SUGCT: variants seen among roughly 807,000 people sequenced by gnomAD.
The protein encoded by SUGCT is succinyl-CoA:glutarate-CoA transferase.
In SUGCT, 41 loss-of-function variants were observed where a neutral mutation model predicts 55.0. That is an observed-to-expected ratio of 0.74 (90% CI 0.58 to 0.97). SUGCT has a LOEUF of 0.97. SUGCT is among the 50% of genes least tolerant of loss of function. The pLI, the probability that SUGCT is intolerant of heterozygous loss-of-function variation, is 0.00. For missense variants in SUGCT, 568 were observed against 547.8 expected, an observed-to-expected ratio of 1.04 and a Z score of -0.37; for synonymous variants, 187 against 200.4, an observed-to-expected ratio of 0.93 and a Z score of 0.56.
intron 12 of SUGCT, among the ~76,000 whole-genome samples, chr7:40,726,071 G>A (rs961257052): frequency 6.6e-6 from 1 of 152,030 alleles, no homozygotes; most frequent in Non-Finnish European, 1.5e-5. Context: ...ATCTCAACAC[G>A]TAATAAATAC....
At chr7:40,632,440 T>C (rs1799829589) in intron 12 of SUGCT, among the ~76,000 whole-genome samples, 1 of 151,214 alleles carries the variant, frequency 6.6e-6, no homozygotes, top group South Asian at 2.1e-4. Context: ...TGTTCCTCTG[T>C]ACTTTATTTA....
intron 9 of SUGCT, among the ~76,000 whole-genome samples, chr7:40,441,290 T>TA (rs1788500271): frequency 1.3e-5 from 2 of 152,210 alleles, no homozygotes; most frequent in South Asian, 4.1e-4. Flanking sequence ...TAATTATTAA[T>TA]AAATGTCTTG....
In SUGCT at chr7:40,410,109, A is replaced by G. The variant is rs190409109; in HGVS notation, c.817-39178A>G. ...AATTGCTTATATTAGATATGCAATT[A>G]CCATGCTTATATTGTATTACTATGC... On this transcript the variant is annotated intron_variant, in intron 9 of 13. Coordinates refer to ENST00000335693, the MANE Select transcript of SUGCT (RefSeq NM_001193313.2). Among the ~76,000 whole-genome samples, 14 of 152,238 alleles carry G rather than the reference A, an allele frequency of 9.2e-5. No individual in the cohort carries two copies. In the East Asian group the frequency reaches 2.7e-3, roughly 29 times the overall value.
chr7:40,440,233 C>G (rs962449280), intron 9 of SUGCT, among the ~76,000 whole-genome samples: 1 of 136,724 alleles, frequency 7.3e-6, no homozygotes, highest in African/African-American at 2.7e-5. Context: ...GATCTCAGTT[C>G]ACTGCAACCT....
the SUGCT span, among the ~76,000 whole-genome samples, chr7:41,001,780 T>C: frequency 6.6e-6 from 1 of 152,130 alleles, no homozygotes; most frequent in African/African-American, 2.4e-5. Context: ...TACCATCACA[T>C]TGGTGGTGAG....
At chr7:40,572,359 T>C (rs1226590265) in intron 12 of SUGCT, among the ~76,000 whole-genome samples, 2 of 152,170 alleles carry the variant, frequency 1.3e-5, no homozygotes, top group South Asian at 4.1e-4. Flanking sequence ...TGAAAAGAGA[T>C]AAATTCATTC....
At chr7:40,956,689 A>G in the SUGCT span, among the ~76,000 whole-genome samples, 1 of 136,076 alleles carries the variant, frequency 7.3e-6, no homozygotes, top group Non-Finnish European at 1.6e-5. Flanking sequence ...GCTCTTCTCT[A>G]GTTCTTTTAA....
intron 9 of SUGCT, among the ~76,000 whole-genome samples, chr7:40,411,722 A>G (rs1281446286): frequency 3.3e-5 from 5 of 152,180 alleles, no homozygotes; most frequent in Non-Finnish European, 7.3e-5. Flanking sequence ...TTGGTTGACT[A>G]TAGTTAACAA....
At position 40,459,199 on chromosome 7, in the gene SUGCT, G is replaced by T; in HGVS notation, c.986+1G>T. On this transcript the variant is annotated splice_donor_variant, in intron 11 of 13. Transcript: ENST00000335693. LOFTEE classifies it high-confidence loss of function. ...AGCTTATTAAAATATTATCTGAACG[G>T]TAAGTTTGGATGTTGTATTCATCCA... 6.4e-7 allele frequency: 1 copy of T among 1,567,968 alleles called. No homozygotes were observed. Among genetic ancestry groups the T allele is most frequent in the Non-Finnish European group, 8.8e-7 (1 of 1,141,212 alleles).
chr7:40,342,411 A>G (rs1402285846), intron 9 of SUGCT, among the ~76,000 whole-genome samples: 2 of 152,342 alleles, frequency 1.3e-5, no homozygotes, highest in Middle Eastern at 3.4e-3. Context: ...AGAGTAATCA[A>G]CCATAATATT....
intron 13 of SUGCT, among the ~76,000 whole-genome samples, chr7:40,834,979 G>T (rs1792886706): frequency 1.3e-5 from 2 of 151,976 alleles, no homozygotes; most frequent in African/African-American, 4.8e-5. Context: ...AAAAAAAATT[G>T]GGACTTTTTA....
At chr7:40,577,843 T>C (rs558533889) in intron 12 of SUGCT, among the ~76,000 whole-genome samples, 4 of 152,354 alleles carry the variant, frequency 2.6e-5, no homozygotes, top group South Asian at 2.1e-4. Context: ...TCTTTTGCTT[T>C]TGATTGTTTA....
At chr7:40,596,463 A>G (rs534045430) in intron 12 of SUGCT, among the ~76,000 whole-genome samples, 64 of 152,302 alleles carry the variant, frequency 4.2e-4, no homozygotes, top group African/African-American at 1.5e-3. Flanking sequence ...GTAAATTTTC[A>G]TTTAGGAAAT....
intron 12 of SUGCT, among the ~76,000 whole-genome samples, chr7:40,611,539 C>T (rs528796935): frequency 1.2e-3 from 181 of 152,164 alleles, no homozygotes; most frequent in Non-Finnish European, 2.0e-3. Flanking sequence ...GTGATCTCTA[C>T]ACCATGTGCC....
chr7:41,018,013 T>C, the SUGCT span, among the ~76,000 whole-genome samples: 1 of 151,560 alleles, frequency 6.6e-6, no homozygotes, highest in Admixed American at 6.6e-5. Flanking sequence ...ATGGGCTAGA[T>C]GGGCCAGTGT....
the SUGCT span, among the ~76,000 whole-genome samples, chr7:40,914,004 A>G: frequency 1.2e-3 from 180 of 152,316 alleles, 1 homozygote; most frequent in African/African-American, 4.1e-3. Flanking sequence ...TATCACAAAA[A>G]TATGGCATTT....
At chr7:40,903,730 C>T in the SUGCT span, among the ~76,000 whole-genome samples, 3 of 152,180 alleles carry the variant, frequency 2.0e-5, no homozygotes, top group East Asian at 1.9e-4. Context: ...GACCTGTTTG[C>T]AGCAGGAAAC....
At chr7:40,263,982 G>A (rs1422537061) in intron 7 of SUGCT, among the ~76,000 whole-genome samples, 1 of 152,042 alleles carries the variant, frequency 6.6e-6, no homozygotes, top group Non-Finnish European at 1.5e-5. Context: ...CTTTCAGGGT[G>A]TAATGAAGAA....
intron 1 of SUGCT, among the ~76,000 whole-genome samples, chr7:40,180,524 C>G (rs1189782246): frequency 6.7e-6 from 1 of 150,080 alleles, no homozygotes; most frequent in Non-Finnish European, 1.5e-5. Flanking sequence ...GAGCCTTGCT[C>G]TGTCGCCCAG....
Sources: gnomAD v4.1 joint callset for allele counts (sites outside exome capture counted in the v4.1 genomes callset) on GRCh38, gnomAD v4.1.1 for gene constraint, MANE v1.5 for transcripts, NCBI Gene and HGNC (gene_info 2026-07-23, HGNC 2026-07-21) for gene names.